LARP1B: variants seen among roughly 807,000 people sequenced by gnomAD.
LARP1B encodes La ribonucleoprotein 1B, also known as la-related protein 1B.
Under a neutral mutation model 114.2 loss-of-function variants are expected in LARP1B, and 76 were observed. The ratio of observed to expected loss-of-function variants is 0.67; its 90% CI spans 0.55 to 0.81. LARP1B has a LOEUF of 0.81. Ranked by LOEUF, LARP1B falls within the 30% of genes least tolerant of loss-of-function variation. LARP1B has a pLI of 0.00. For synonymous variants in LARP1B, 345 were observed against 348.0 expected (o/e 0.99, Z 0.10); for missense variants, 1,014 against 1,075.8 (o/e 0.94, Z 0.80).
At chr4:128,187,775 G>T (rs1233857711) in intron 15 of LARP1B, among the ~76,000 whole-genome samples, 4 of 152,308 alleles carry the variant, frequency 2.6e-5, no homozygotes, top group Non-Finnish European at 4.4e-5. Flanking sequence ...AGTATTGGAG[G>T]TGGGGCCTGG....
intron 3 of LARP1B, among the ~76,000 whole-genome samples, chr4:128,076,662 T>A (rs1344781113): frequency 6.6e-6 from 1 of 152,208 alleles, no homozygotes; most frequent in Non-Finnish European, 1.5e-5. Context: ...AAGAAACTGC[T>A]GAGTTTGCAC....
At position 128,121,937 on chromosome 4, in the gene LARP1B, A is replaced by G; in HGVS notation, c.1273A>G (p.Lys425Glu). 3 of 1,612,894 alleles carry G rather than the reference A, an allele frequency of 1.9e-6. No homozygotes were observed. The highest frequency in any genetic ancestry group is 2.2e-5 in the East Asian group (1 of 44,870). Residue 425 changes from lysine to glutamate, a missense_variant, in exon 11 of 20, where the codon AAA (lysine) becomes GAA (glutamate). Lys to Glu is a moderately conservative substitution (Grantham distance 56, BLOSUM62 1). Transcript: ENST00000326639. Reference sequence around the variant, plus strand: ...TGAAGAGATTGAACAAATAGGACGAAAAAACACATTTACTGATTGGTCTGA... The same window carrying G: ...TGAAGAGATTGAACAAATAGGACGAGAAAACACATTTACTGATTGGTCTGA... ...FDEEIEQIGR[K>E]NTFTDWSDND...
At chr4:128,145,323 C>T (rs1345219768) in intron 11 of LARP1B, among the ~76,000 whole-genome samples, 1 of 152,144 alleles carries the variant, frequency 6.6e-6, no homozygotes, top group Non-Finnish European at 1.5e-5. Flanking sequence ...CATTTCTAAG[C>T]TGTATCACAC....
rs1561078828 is a variant in LARP1B, at chr4:128,077,813, A to G, written c.68A>G (p.Asn23Ser). 1 of 1,602,882 alleles carries G rather than the reference A, an allele frequency of 6.2e-7. No homozygotes were observed. The highest frequency in any genetic ancestry group is 2.2e-5 in the East Asian group (1 of 44,816). The change falls in exon 4 of 20, where the codon AAT becomes AGT. Residue 23 changes from asparagine to serine, a missense_variant. By Grantham distance (46) the Asn-to-Ser change is conservative (BLOSUM62 1). Coordinates refer to ENST00000326639, the MANE Select transcript of LARP1B (RefSeq NM_018078.4). The stretch of plus-strand genomic sequence containing the variant: ...TTTCAGAGCGTCCTCAGCCAAGGAA[A>G]TAAAAAGCCACAAAATAGAAAAGAA... ...TGFQSVLSQG[N>S]KKPQNRKEKE... is the part of the protein sequence containing the mutation.
chr4:128,183,769 G>A (rs181452928), intron 15 of LARP1B, among the ~76,000 whole-genome samples: 21 of 152,288 alleles, frequency 1.4e-4, no homozygotes, highest in Middle Eastern at 3.4e-3. Context: ...ATTCTGGAGA[G>A]TATTCACCAT....
chr4:128,155,833 C>T (rs1735333989), intron 11 of LARP1B: 7 of 1,574,484 alleles, frequency 4.4e-6, no homozygotes, highest in South Asian at 1.1e-5. Context: ...AGGGCTGCAG[C>T]GAGAGATCGA....
intron 4 of LARP1B, among the ~76,000 whole-genome samples, chr4:128,080,603 T>G (rs1400574460): frequency 6.6e-6 from 1 of 152,230 alleles, no homozygotes; most frequent in Non-Finnish European, 1.5e-5. Context: ...CCATGAGTCT[T>G]TATTTTGGTA....
At chr4:128,120,559 T>C (rs1057376790) in intron 10 of LARP1B, among the ~76,000 whole-genome samples, 2 of 149,500 alleles carry the variant, frequency 1.3e-5, no homozygotes, top group African/African-American at 4.9e-5. Context: ...AGCCTCCGCC[T>C]CCAGGGTTCA....
chr4:128,071,108 G>A (rs1335518971), intron 1 of LARP1B, among the ~76,000 whole-genome samples: 3 of 150,550 alleles, frequency 2.0e-5, no homozygotes, highest in African/African-American at 7.3e-5. Flanking sequence ...GTGCAGTGGC[G>A]TGATCTTGGC....
intron 11 of LARP1B, among the ~76,000 whole-genome samples, chr4:128,128,077 A>G (rs1169318874): frequency 6.6e-6 from 1 of 152,164 alleles, no homozygotes; most frequent in Non-Finnish European, 1.5e-5. Context: ...GATATCTACA[A>G]ACAAAAGAAG....
At chr4:128,090,031 C>T (rs10222886) in intron 5 of LARP1B, among the ~76,000 whole-genome samples, 106 of 150,386 alleles carry the variant, frequency 7.0e-4, no homozygotes, top group African/African-American at 2.5e-3. Context: ...TCTCAGCCTA[C>T]CAAAGTGCTG....
At chr4:128,160,257 C>T (rs944829536) in intron 11 of LARP1B, among the ~76,000 whole-genome samples, 2 of 152,128 alleles carry the variant, frequency 1.3e-5, no homozygotes, top group African/African-American at 2.4e-5. Flanking sequence ...GTTACATGCA[C>T]GTACATGGAT....
intron 11 of LARP1B, among the ~76,000 whole-genome samples, chr4:128,131,365 G>A (rs557633265): frequency 2.0e-5 from 3 of 150,582 alleles, no homozygotes; most frequent in Non-Finnish European, 3.0e-5. Context: ...GGAGGGAGGG[G>A]CAAAGAGCTT....
chr4:128,095,072 C>T (rs1239337723), intron 7 of LARP1B, among the ~76,000 whole-genome samples: 1 of 152,080 alleles, frequency 6.6e-6, no homozygotes, highest in East Asian at 1.9e-4. Flanking sequence ...AATTTTAACA[C>T]ATGTATTATG....
chr4:128,213,138 G>A (rs1482853375), downstream of LARP1B, among the ~76,000 whole-genome samples: 4 of 151,996 alleles, frequency 2.6e-5, no homozygotes, highest in East Asian at 1.9e-4. Flanking sequence ...GGCTGGTCTC[G>A]AACTACTGAC....
rs1770788236 is a variant in LARP1B, at chr4:128,082,247, A to G, written c.300A>G (p.Ser100=). The change falls in exon 5 of 20, where the codon TCA becomes TCG. Residue 100 remains serine (S), a synonymous_variant. Coordinates refer to ENST00000326639, the MANE Select transcript of LARP1B (RefSeq NM_018078.4). ...SQERPGSRNS[S]RCQPEANKPT... Reference sequence around the variant, plus strand: ...AAAGACCTGGATCCCGGAACAGCTCAAGATGTCAACCTGAAGCAAATAAAC... The same window carrying G: ...AAAGACCTGGATCCCGGAACAGCTCGAGATGTCAACCTGAAGCAAATAAAC... 2 of 1,613,094 alleles carry G rather than the reference A, an allele frequency of 1.2e-6. No individual in the cohort carries two copies. Among genetic ancestry groups the G allele is most frequent in the South Asian group, 2.2e-5 (2 of 91,070 alleles).
chr4:128,127,551 C>T (rs557848867), intron 11 of LARP1B, among the ~76,000 whole-genome samples: 28 of 152,126 alleles, frequency 1.8e-4, no homozygotes, highest in African/African-American at 6.0e-4. Context: ...AACAAAATTA[C>T]GGCCGGGCAC....
intron 5 of LARP1B, among the ~76,000 whole-genome samples, chr4:128,090,037 T>C (rs996874349): frequency 2.6e-5 from 4 of 151,350 alleles, no homozygotes; most frequent in African/African-American, 9.7e-5. Flanking sequence ...CCTACCAAAG[T>C]GCTGGTATTA....
At chr4:128,125,823 G>A (rs965960425) in intron 11 of LARP1B, among the ~76,000 whole-genome samples, 1 of 152,100 alleles carries the variant, frequency 6.6e-6, no homozygotes, top group Admixed American at 6.6e-5. Flanking sequence ...GAAAAAATTG[G>A]GCTAGAAGTT....
Sources: gnomAD v4.1 joint callset for allele counts (sites outside exome capture counted in the v4.1 genomes callset) on GRCh38, gnomAD v4.1.1 for gene constraint, MANE v1.5 for transcripts, NCBI Gene and HGNC (gene_info 2026-07-23, HGNC 2026-07-21) for gene names.